Variants in ATXN1 observed in about 807,000 individuals in gnomAD.
ATXN1 encodes the protein ataxin-1.
Under a neutral mutation model 56.4 loss-of-function variants are expected in ATXN1, and 8 were observed. The observed-to-expected ratio is 0.14, with a 90% CI of 0.08 to 0.26. The LOEUF (loss-of-function observed/expected upper bound fraction) is 0.26. ATXN1 is among the 10% of genes least tolerant of loss of function. The pLI, the probability that ATXN1 is intolerant of heterozygous loss-of-function variation, is 1.00. For synonymous variants in ATXN1, 514 were observed against 494.6 expected, an observed-to-expected ratio of 1.04 and a Z score of -0.52; for missense variants, 987 against 1,106.5, an observed-to-expected ratio of 0.89 and a Z score of 1.53.
At chr6:16,406,819 C>T (rs1758694609) in intron 6 of ATXN1, among the ~76,000 whole-genome samples, 1 of 152,174 alleles carries the variant, frequency 6.6e-6, no homozygotes, top group Admixed American at 6.5e-5. Flanking sequence ...AAGCTGCTAG[C>T]CATTCGGGAC....
intron 2 of ATXN1, among the ~76,000 whole-genome samples, chr6:16,712,972 G>C (rs1168098887): frequency 2.0e-5 from 3 of 152,214 alleles, no homozygotes; most frequent in Non-Finnish European, 4.4e-5. Context: ...TCAGGAACCA[G>C]AGATAACATT....
intron 6 of ATXN1, among the ~76,000 whole-genome samples, chr6:16,332,327 T>G (rs770474512): frequency 6.6e-6 from 1 of 152,100 alleles, no homozygotes; most frequent in African/African-American, 2.4e-5. Flanking sequence ...TCCTGGTCTA[T>G]CGGGTGATCA....
chr6:16,339,187 A>T (rs1329313718), intron 6 of ATXN1, among the ~76,000 whole-genome samples: 2 of 152,190 alleles, frequency 1.3e-5, no homozygotes, highest in Non-Finnish European at 2.9e-5. Flanking sequence ...AGCGCCAGCA[A>T]CTGCTCCAGG....
chr6:16,466,465 G>C (rs546109147), intron 6 of ATXN1, among the ~76,000 whole-genome samples: 117 of 151,994 alleles, frequency 7.7e-4, no homozygotes, highest in Non-Finnish European at 1.4e-3. Context: ...CAAGAGGGCA[G>C]TACAATTGAT....
intron 2 of ATXN1, among the ~76,000 whole-genome samples, chr6:16,745,954 G>GTGTGTA (rs1554130386): frequency 0.012 from 1,872 of 151,832 alleles, 21 homozygotes; most frequent in Non-Finnish European, 0.021. Context: ...GTGTGTGTGT[G>GTGTGTA]TGTGTGTGTG....
intron 6 of ATXN1, among the ~76,000 whole-genome samples, chr6:16,462,808 C>A (rs1030445407): frequency 1.3e-5 from 2 of 152,058 alleles, no homozygotes; most frequent in African/African-American, 4.8e-5. Flanking sequence ...AACTTCAAGC[C>A]CCAAATGATC....
At chr6:16,562,448 AAGAAAAGGAG>A (rs1762136890) in intron 4 of ATXN1, among the ~76,000 whole-genome samples, 2 of 71,588 alleles carry the variant, frequency 2.8e-5, no homozygotes, top group Non-Finnish European at 4.6e-5. Context: ...AAAGAAAAGA[AAGAAAAGGAG>A]AGGAGAGGAG....
chr6:16,673,930 C>T (rs1322751278), intron 2 of ATXN1, among the ~76,000 whole-genome samples: 2 of 152,134 alleles, frequency 1.3e-5, no homozygotes, highest in East Asian at 3.9e-4. Context: ...TGCCAAATGT[C>T]CTGAGAGGGC....
chr6:16,479,933 C>T (rs1261990467), intron 6 of ATXN1, among the ~76,000 whole-genome samples: 1 of 152,084 alleles, frequency 6.6e-6, no homozygotes, highest in East Asian at 1.9e-4. Context: ...GGGCAGATCA[C>T]TTGAGCTCAA....
intron 6 of ATXN1, among the ~76,000 whole-genome samples, chr6:16,351,488 G>A (rs1245886768): frequency 6.7e-6 from 1 of 149,862 alleles, no homozygotes; most frequent in Admixed American, 6.7e-5. Flanking sequence ...CTGTAGCTTC[G>A]ACCTCCCAGG....
intron 6 of ATXN1, among the ~76,000 whole-genome samples, chr6:16,337,578 T>C (rs1017882882): frequency 2.0e-5 from 3 of 152,236 alleles, no homozygotes; most frequent in African/African-American, 7.2e-5. Flanking sequence ...AGAGGTTGAG[T>C]TGGAGTTTTT....
chr6:16,622,714 T>C, intron 3 of ATXN1, among the ~76,000 whole-genome samples: 1 of 152,220 alleles, frequency 6.6e-6, no homozygotes, highest in East Asian at 1.9e-4. Flanking sequence ...GTAGTGTGTA[T>C]GTGATATTTT....
chr6:16,674,968 A>G (rs1282350131), intron 2 of ATXN1, among the ~76,000 whole-genome samples: 1 of 152,226 alleles, frequency 6.6e-6, no homozygotes, highest in Admixed American at 6.5e-5. Flanking sequence ...CAATTTCAAA[A>G]TAACAAAGCA....
intron 7 of ATXN1, among the ~76,000 whole-genome samples, chr6:16,322,840 C>T (rs1301161765): frequency 6.6e-6 from 1 of 152,198 alleles, no homozygotes. Flanking sequence ...ATGATGTCAG[C>T]CGATTTCTGA....
At chr6:16,542,305 T>G (rs1371652012) in intron 4 of ATXN1, among the ~76,000 whole-genome samples, 1 of 152,188 alleles carries the variant, frequency 6.6e-6, no homozygotes, top group East Asian at 1.9e-4. Context: ...ATCCTATTTA[T>G]TCATTCCTTA....
intron 3 of ATXN1, among the ~76,000 whole-genome samples, chr6:16,648,881 A>C (rs1465257137): frequency 2.0e-5 from 3 of 152,172 alleles, no homozygotes; most frequent in Non-Finnish European, 2.9e-5. Flanking sequence ...GACAAATCTC[A>C]AACTGAAATT....
rs183801251 is a variant in ATXN1 at position 16,594,697 on chromosome 6, G to C, written c.-488-8790C>G. ...GAGGTTTCACTATGTTGGCCAGGAC[G>C]GTCTGGATCTCTTGACCTCGTGATC... On this transcript the variant is annotated intron_variant, in intron 3 of 7. Transcript: ENST00000436367. Among the ~76,000 whole-genome samples the C allele has an allele frequency of 1.8e-4, 28 of 152,138 alleles. No homozygotes were observed. The East Asian group carries it at 5.2e-3, about 28-fold the overall frequency.
In ATXN1 at chr6:16,360,534, T is replaced by C. The variant is rs150432194; in HGVS notation, c.-160-32064A>G. 3.8e-3 allele frequency among the ~76,000 whole-genome samples: 580 copies of C among 152,286 alleles called. 5 individuals are homozygous for C. The highest frequency in any genetic ancestry group is 0.013 in the African/African-American group (526 of 41,552). ...AATGCTTGAATAAACATATGGGCTC[T>C]GAGAAAGTGCCCTCAGAGCCAGGGA... On this transcript the variant is annotated intron_variant, in intron 6 of 7. Coordinates refer to ENST00000436367, the MANE Select transcript of ATXN1 (RefSeq NM_001128164.2).
At chr6:16,543,162 C>T (rs886565924) in intron 4 of ATXN1, among the ~76,000 whole-genome samples, 4 of 152,136 alleles carry the variant, frequency 2.6e-5, no homozygotes, top group Admixed American at 6.5e-5. Flanking sequence ...ACAAGCAAAG[C>T]CCAGGGAGCT....
Sources: gnomAD v4.1 joint callset for allele counts (sites outside exome capture counted in the v4.1 genomes callset) on GRCh38, gnomAD v4.1.1 for gene constraint, MANE v1.5 for transcripts, NCBI Gene and HGNC (gene_info 2026-07-23, HGNC 2026-07-21) for gene names.